Variants in RBFOX1 observed in about 807,000 individuals in gnomAD.
The protein encoded by RBFOX1 is RNA binding fox-1 homolog 1, also known as RNA binding protein fox-1 homolog 1.
RBFOX1 carries 8 observed loss-of-function variants against 57.7 expected under a neutral mutation model. That is an observed-to-expected ratio of 0.14 (90% CI 0.08 to 0.25). The LOEUF (loss-of-function observed/expected upper bound fraction) is 0.25, where lower values mean the gene tolerates loss of function less well. Among genes scored for constraint, RBFOX1 ranks in the 10% least tolerant of loss-of-function variants. The pLI, the probability that RBFOX1 is intolerant of heterozygous loss-of-function variation, is 1.00. For missense variants in RBFOX1, 611 were observed against 548.5 expected (o/e 1.11, Z -1.14); for synonymous variants, 326 against 222.4 (o/e 1.47, Z -4.15).
chr16:6,809,284 TTTAAA>T (rs1480331136), intron 3 of RBFOX1, among the ~76,000 whole-genome samples: 3 of 152,206 alleles, frequency 2.0e-5, no homozygotes, highest in South Asian at 2.1e-4. Flanking sequence ...ATTAAACTTC[TTTAAA>T]TTTAATTTGG....
chr16:6,383,995 A>T (rs924750704), intron 2 of RBFOX1, among the ~76,000 whole-genome samples: 4 of 151,256 alleles, frequency 2.6e-5, no homozygotes, highest in Admixed American at 2.6e-4. Context: ...TACTGCTGCT[A>T]TCACTCTCTT....
intron 4 of RBFOX1, among the ~76,000 whole-genome samples, chr16:7,206,898 A>C (rs949912342): frequency 1.3e-5 from 2 of 152,174 alleles, no homozygotes; most frequent in Admixed American, 6.5e-5. Flanking sequence ...AACTTGAAAC[A>C]GTAGTTTATT....
At chr16:7,423,294 A>T (rs1299732015) in intron 4 of RBFOX1, among the ~76,000 whole-genome samples, 1 of 152,074 alleles carries the variant, frequency 6.6e-6, no homozygotes, top group Non-Finnish European at 1.5e-5. Flanking sequence ...TAGTTAACTG[A>T]TTAGGTATTT....
At chr16:5,694,435 G>C (rs190602665) in intron 3 of RBFOX1, among the ~76,000 whole-genome samples, 1 of 152,310 alleles carries the variant, frequency 6.6e-6, no homozygotes, top group East Asian at 1.9e-4. Flanking sequence ...GTAACTTCGT[G>C]AACACAACTT....
chr16:7,264,456 G>A (rs1437517524), intron 4 of RBFOX1, among the ~76,000 whole-genome samples: 1 of 152,290 alleles, frequency 6.6e-6, no homozygotes, highest in African/African-American at 2.4e-5. Flanking sequence ...AACTCACAAA[G>A]CTAAGTCTCT....
intron 2 of RBFOX1, among the ~76,000 whole-genome samples, chr16:5,571,932 G>C (rs907419928): frequency 1.3e-5 from 2 of 152,158 alleles, no homozygotes; most frequent in Non-Finnish European, 2.9e-5. Context: ...ACTGTGCCCG[G>C]CCCATCTTTG....
rs117474228 is a variant in RBFOX1 at position 6,644,092 on chromosome 16, C to T, written c.-63-10511C>T. Among the ~76,000 whole-genome samples the T allele has an allele frequency of 5.8e-3, 876 of 152,302 alleles. 4 individuals carry two copies. Among genetic ancestry groups the T allele is most frequent in the South Asian group, 0.023 (113 of 4,822 alleles). On this transcript the variant is annotated intron_variant, in intron 2 of 15. Transcript: ENST00000550418. The stretch of plus-strand genomic sequence containing the variant: ...AGTGAGCCAAGATCACCCTACTGCA[C>T]TCCAACCTGGGCAACAGAGCGAGAC...
At chr16:5,526,010 CTG>C (rs2151022685) in intron 2 of RBFOX1, among the ~76,000 whole-genome samples, 2 of 148,870 alleles carry the variant, frequency 1.3e-5, no homozygotes, top group African/African-American at 5.2e-5. Flanking sequence ...ATAGTCTGGT[CTG>C]TGGTCCCAGG....
At chr16:6,983,067 C>T (rs1469923052) in intron 3 of RBFOX1, among the ~76,000 whole-genome samples, 2 of 147,006 alleles carry the variant, frequency 1.4e-5, no homozygotes, top group East Asian at 2.0e-4. Context: ...TATCTAACAT[C>T]ACATTACTGG....
intron 1 of RBFOX1, among the ~76,000 whole-genome samples, chr16:6,311,096 A>T (rs953754035): frequency 6.6e-6 from 1 of 151,952 alleles, no homozygotes; most frequent in Non-Finnish European, 1.5e-5. Flanking sequence ...GGAGTTCAAG[A>T]CCAGCCTGGC....
chr16:5,396,667 G>A (rs2066566404), intron 1 of RBFOX1, among the ~76,000 whole-genome samples: 1 of 152,020 alleles, frequency 6.6e-6, no homozygotes, highest in African/African-American at 2.4e-5. Context: ...GATGAAAGAA[G>A]GAGGAAAGAT....
chr16:5,523,567 C>T (rs533332738), intron 2 of RBFOX1, among the ~76,000 whole-genome samples: 4 of 152,258 alleles, frequency 2.6e-5, no homozygotes, highest in East Asian at 1.9e-4. Flanking sequence ...CAGTGAGCCA[C>T]GAACATGCCG....
chr16:6,809,764 TAGAA>T (rs1283515230), intron 3 of RBFOX1, among the ~76,000 whole-genome samples: 1 of 151,760 alleles, frequency 6.6e-6, no homozygotes, highest in Non-Finnish European at 1.5e-5. Flanking sequence ...GGGGCAATCA[TAGAA>T]AGCAGTGGCT....
chr16:7,597,322 G>C, intron 8 of RBFOX1, 49 bp from the exon 9 acceptor site: 1 of 1,386,984 alleles, frequency 7.2e-7, no homozygotes, highest in Non-Finnish European at 1.0e-6. Flanking sequence ...TAATTGAATT[G>C]GGAGCTGGCC....
At chr16:6,387,997 T>TTC (rs1452539097) in intron 2 of RBFOX1, among the ~76,000 whole-genome samples, 1 of 150,008 alleles carries the variant, frequency 6.7e-6, no homozygotes, top group Non-Finnish European at 1.5e-5. Flanking sequence ...TTTTTTTTTT[T>TTC]TGGAGACAGA....
At chr16:5,759,317 G>A (rs2053510394) in intron 3 of RBFOX1, among the ~76,000 whole-genome samples, 1 of 152,152 alleles carries the variant, frequency 6.6e-6, no homozygotes, top group South Asian at 2.1e-4. Context: ...GTGGGAATTG[G>A]TGAACTTCTT....
intron 2 of RBFOX1, among the ~76,000 whole-genome samples, chr16:6,349,735 C>T (rs1567991113): frequency 6.6e-6 from 1 of 152,180 alleles, no homozygotes; most frequent in Non-Finnish European, 1.5e-5. Context: ...AAAAGAGTAA[C>T]ATTAAGTGCT....
chr16:6,670,706 G>A (rs1166201400), intron 3 of RBFOX1, among the ~76,000 whole-genome samples: 1 of 152,022 alleles, frequency 6.6e-6, no homozygotes, highest in Non-Finnish European at 1.5e-5. Context: ...TATAAAACTG[G>A]TTTCCTTATG....
At chr16:5,627,983 C>A (rs529461071) in intron 3 of RBFOX1, among the ~76,000 whole-genome samples, 3 of 152,174 alleles carry the variant, frequency 2.0e-5, no homozygotes, top group African/African-American at 7.2e-5. Context: ...TAGAGGCATT[C>A]TTATAGCCTT....
Sources: gnomAD v4.1 joint callset for allele counts (sites outside exome capture counted in the v4.1 genomes callset) on GRCh38, gnomAD v4.1.1 for gene constraint, MANE v1.5 for transcripts, NCBI Gene and HGNC (gene_info 2026-07-23, HGNC 2026-07-21) for gene names.